The following DLGAP2 variants were observed in gnomAD, a reference collection of about 807,000 sequenced individuals.
DLGAP2 encodes the protein disks large-associated protein 2.
In DLGAP2, 26 loss-of-function variants were observed where a neutral mutation model predicts 100.3. That is an observed-to-expected ratio of 0.26 (90% CI 0.19 to 0.36). The LOEUF (loss-of-function observed/expected upper bound fraction) is 0.36. DLGAP2 is among the 10% of genes least tolerant of loss of function. The pLI is 1.00. For synonymous variants in DLGAP2, 886 were observed against 630.1 expected, an observed-to-expected ratio of 1.41 and a Z score of -6.08; for missense variants, 1,858 against 1,453.2, an observed-to-expected ratio of 1.28 and a Z score of -4.53.
At chr8:1,146,613 G>T (rs999548864) in intron 2 of DLGAP2, among the ~76,000 whole-genome samples, 3 of 152,232 alleles carry the variant, frequency 2.0e-5, no homozygotes, top group Admixed American at 2.0e-4. Flanking sequence ...GTGTGTGCAT[G>T]CACGTGTGTG....
chr8:1,214,588 C>T (rs1798174717), intron 2 of DLGAP2, among the ~76,000 whole-genome samples: 1 of 152,208 alleles, frequency 6.6e-6, no homozygotes, highest in South Asian at 2.1e-4. Flanking sequence ...CCTCATTTAT[C>T]CTGTGGCCTC....
At position 1,628,204 on chromosome 8, in the gene DLGAP2, G is replaced by C. The variant is rs1040722393; in HGVS notation, c.1590+1317G>C. ...TGACTTACTGTGGAGCAGGAATTAA[G>C]AGCCTGAGCTGACCTCACATTCTTT... On this transcript the variant is annotated intron_variant, in intron 7 of 14. Coordinates refer to ENST00000637795, the MANE Select transcript of DLGAP2 (RefSeq NM_001346810.2). Among the ~76,000 whole-genome samples, 13 of 123,062 alleles carry C rather than the reference G, an allele frequency of 1.1e-4. 1 individual carries two copies. Among genetic ancestry groups the C allele is most frequent in the Non-Finnish European group, 1.6e-4 (10 of 62,246 alleles). 80.7% of individuals were successfully genotyped at this position (123,062 alleles called of 152,430 possible).
At chr8:757,787 C>T (rs1199396383) in intron 1 of DLGAP2, among the ~76,000 whole-genome samples, 2 of 152,156 alleles carry the variant, frequency 1.3e-5, no homozygotes, top group African/African-American at 4.8e-5. Context: ...GTATCCAATT[C>T]CCTGGTGCTC....
At chr8:1,020,251 GTA>G (rs1199826485) in intron 2 of DLGAP2, among the ~76,000 whole-genome samples, 1 of 152,132 alleles carries the variant, frequency 6.6e-6, no homozygotes, top group Non-Finnish European at 1.5e-5. Flanking sequence ...ACCAATTTGG[GTA>G]TGAAACCCTG....
At chr8:810,639 A>G (rs1796353552) in intron 1 of DLGAP2, among the ~76,000 whole-genome samples, 1 of 152,230 alleles carries the variant, frequency 6.6e-6, no homozygotes, top group Non-Finnish European at 1.5e-5. Flanking sequence ...ATAATAATCA[A>G]CTATAAAAAG....
intron 7 of DLGAP2, among the ~76,000 whole-genome samples, chr8:1,631,893 A>G (rs1387758363): frequency 6.6e-6 from 1 of 152,152 alleles, no homozygotes; most frequent in Non-Finnish European, 1.5e-5. Context: ...TGATTCTTTG[A>G]CCTTGCCTTT....
At chr8:888,334 T>G (rs554585868) in intron 1 of DLGAP2, among the ~76,000 whole-genome samples, 3 of 152,326 alleles carry the variant, frequency 2.0e-5, no homozygotes, top group African/African-American at 7.2e-5. Context: ...ACATGCTCCT[T>G]TAGCTCATCG....
Position 1,549,071 on chromosome 8 carries a change from C to T in DLGAP2, c.618C>T (p.Gly206=), listed in dbSNP as rs773754993. 63 of 1,587,776 alleles carry T rather than the reference C, an allele frequency of 4.0e-5. No homozygotes were observed. Among genetic ancestry groups the T allele is most frequent in the Non-Finnish European group, 5.3e-5 (62 of 1,171,004 alleles). Residue 206 remains glycine (G), a synonymous_variant, in exon 5 of 15, where the codon GGC becomes GGT. Coordinates refer to ENST00000637795, the MANE Select transcript of DLGAP2 (RefSeq NM_001346810.2). ...FEKQLPLHRD[G]FHTLQYQRTS... ...AGCAGCTGCCGCTGCACCGGGACGG[C>T]TTCCACACGCTGCAGTACCAGAGGA...
At chr8:1,087,376 C>T (rs1411736766) in intron 2 of DLGAP2, among the ~76,000 whole-genome samples, 1 of 152,172 alleles carries the variant, frequency 6.6e-6, no homozygotes, top group Admixed American at 6.5e-5. Context: ...TTTGCCTCTC[C>T]AGTTCAGAGT....
chr8:1,518,112 A>C (rs1192070188), intron 4 of DLGAP2, among the ~76,000 whole-genome samples: 1 of 152,148 alleles, frequency 6.6e-6, no homozygotes, highest in African/African-American at 2.4e-5. Flanking sequence ...CTTATTTGGA[A>C]CAGTCTGTGG....
intron 3 of DLGAP2, among the ~76,000 whole-genome samples, chr8:1,389,877 A>C (rs1796308840): frequency 6.6e-6 from 1 of 152,166 alleles, no homozygotes; most frequent in South Asian, 2.1e-4. Context: ...TTGGAAGACA[A>C]CAGTGATTGC....
chr8:1,087,748 T>C (rs779645507), intron 2 of DLGAP2, among the ~76,000 whole-genome samples: 8 of 152,252 alleles, frequency 5.3e-5, no homozygotes, highest in Non-Finnish European at 1.0e-4. Flanking sequence ...ACCTTGATGA[T>C]TGGTTATCAC....
chr8:1,253,269 T>C (rs1359518339), intron 2 of DLGAP2, among the ~76,000 whole-genome samples: 1 of 152,138 alleles, frequency 6.6e-6, no homozygotes, highest in Non-Finnish European at 1.5e-5. Context: ...GCTGGGTGGT[T>C]CCTGTGTGTG....
chr8:1,639,202 G>GTA (rs1563273307), intron 8 of DLGAP2, among the ~76,000 whole-genome samples: 1 of 152,068 alleles, frequency 6.6e-6, no homozygotes, highest in Non-Finnish European at 1.5e-5. Flanking sequence ...CGAACAGGAG[G>GTA]GTATAGAAAG....
chr8:1,280,518 TC>T (rs1167504071), intron 3 of DLGAP2, among the ~76,000 whole-genome samples: 2 of 152,042 alleles, frequency 1.3e-5, no homozygotes, highest in Non-Finnish European at 2.9e-5. Context: ...AGTTTGGGGG[TC>T]TATAAAGGAG....
rs564455366 is a variant in DLGAP2, at chr8:967,239, T to G, written c.73+59273T>G. Among the ~76,000 whole-genome samples the G allele has an allele frequency of 2.0e-5, 3 of 152,350 alleles. No homozygotes were observed. In the South Asian group the frequency reaches 6.2e-4, roughly 32 times the overall value. On this transcript the variant is annotated intron_variant, in intron 2 of 14. Coordinates refer to ENST00000637795, the MANE Select transcript of DLGAP2 (RefSeq NM_001346810.2). ...CTTACTGATGGACAGTGAGATTCTT[T>G]CCCCATGTTAGTTTTTCCTAAAGTT...
chr8:1,664,031 T>C (rs1030715613), intron 8 of DLGAP2, among the ~76,000 whole-genome samples: 4 of 152,208 alleles, frequency 2.6e-5, no homozygotes, highest in African/African-American at 9.6e-5. Flanking sequence ...TGCCAGAGAA[T>C]AGTGGTTTTG....
chr8:1,683,903 C>CAT (rs558611584), intron 12 of DLGAP2, among the ~76,000 whole-genome samples: 5,642 of 77,816 alleles, frequency 0.073, 409 homozygotes, highest in East Asian at 0.18. Context: ...TGTGTATACA[C>CAT]ATATATGTGT....
intron 2 of DLGAP2, among the ~76,000 whole-genome samples, chr8:1,156,930 T>A (rs957218904): frequency 3.9e-5 from 6 of 152,120 alleles, no homozygotes; most frequent in African/African-American, 1.4e-4. Flanking sequence ...TCCCAGTCGG[T>A]CCATCCTTGA....
Sources: allele counts gnomAD v4.1 joint callset (sites outside exome capture counted in the v4.1 genomes callset), GRCh38; gene constraint gnomAD v4.1.1; transcripts MANE v1.5; gene names NCBI Gene and HGNC (gene_info 2026-07-23, HGNC 2026-07-21).